The following NOTUM variants were observed in gnomAD, a reference collection of about 807,000 sequenced individuals.
The protein encoded by NOTUM is palmitoleoyl-protein carboxylesterase NOTUM.
In NOTUM, 36 loss-of-function variants were observed where a neutral mutation model predicts 65.5. That is an observed-to-expected ratio of 0.55 (90% CI 0.42 to 0.73). NOTUM has a LOEUF of 0.73. Among genes scored for constraint, NOTUM ranks in the 30% least tolerant of loss-of-function variants. The pLI, the probability that NOTUM is intolerant of heterozygous loss-of-function variation, is 0.00. For synonymous variants in NOTUM, 356 were observed against 297.9 expected (o/e 1.20, Z -2.01); for missense variants, 659 against 694.2 (o/e 0.95, Z 0.57).
In NOTUM at chr17:81,952,842, G is replaced by A. The variant is rs1303157589; in HGVS notation, c.*119C>T. The A allele has an allele frequency of 2.3e-6, 2 of 882,164 alleles. No homozygotes were observed. Among genetic ancestry groups the A allele is most frequent in the Non-Finnish European group, 3.6e-6 (2 of 562,282 alleles). The allele number at this position is 882,164 out of a possible 1,614,324, so 54.6% of individuals were successfully genotyped here. A position where few individuals can be genotyped will look rare whatever the true frequency, so the allele number is the denominator to read the frequency against. Reference sequence around the variant, plus strand: ...AGGGCAGTGGGCAGACCCAGACAGGGGGGACGGCTGGGGCCCTGTCCCGAA... The same window carrying A: ...AGGGCAGTGGGCAGACCCAGACAGGAGGGACGGCTGGGGCCCTGTCCCGAA... On this transcript the variant is annotated 3_prime_UTR_variant, in exon 11 of 11. Transcript: ENST00000409678.
intron 7 of NOTUM, 44 bp from the exon 8 acceptor site, chr17:81,956,794 C>T: frequency 6.3e-7 from 1 of 1,589,962 alleles, no homozygotes. Flanking sequence ...GTCTCGTCCC[C>T]CGGGGCTCCC....
chr17:81,954,067 C>T (rs892280594), intron 10 of NOTUM, among the ~76,000 whole-genome samples, 189 bp downstream of exon 10: 1 of 152,186 alleles, frequency 6.6e-6, no homozygotes, highest in Non-Finnish European at 1.5e-5. Context: ...CGTGAGCCAC[C>T]GCACCCAGCC....
chr17:81,953,216 G>A lies in NOTUM; in HGVS notation c.1236C>T (p.His412=), dbSNP rs1166030883. ...TGTCATGGAGGCTCCTGTCCCAGCA[G>A]TGCAGTGCTCGGGGCAGCGACGTCC... is the stretch of plus-strand genomic sequence containing the variant. ...VKGTSLPRAL[H]CWDRSLHDSH... The change falls in exon 11 of 11, where the codon CAC becomes CAT. Residue 412 remains histidine, a synonymous_variant. Transcript: ENST00000409678. 7 of 1,612,570 alleles carry A rather than the reference G, an allele frequency of 4.3e-6. No individual in the cohort carries two copies. Among genetic ancestry groups the A allele is most frequent in the African/African-American group, 2.7e-5 (2 of 74,900 alleles).
intron 9 of NOTUM, 140 bp from the exon 10 acceptor site, chr17:81,954,443 C>A (rs1431296179): frequency 3.2e-6 from 2 of 634,002 alleles, no homozygotes; most frequent in Non-Finnish European, 5.6e-6. Context: ...TGGCCCGGGC[C>A]TCCCCCTAGT....
rs2041475138 is a variant in NOTUM at position 81,961,134 on chromosome 17, G to T, written c.-225C>A. The T allele has an allele frequency of 6.6e-6, 1 of 150,648 alleles. No individual in the cohort carries two copies. The highest frequency in any genetic ancestry group is 1.5e-5 in the Non-Finnish European group (1 of 68,420). The allele number at this position is 150,648 out of a possible 1,614,324, so 9.3% of individuals were successfully genotyped here. A position where few individuals can be genotyped will look rare whatever the true frequency, so the allele number is the denominator to read the frequency against. On this transcript the variant is annotated 5_prime_UTR_variant, in exon 1 of 11. Coordinates refer to ENST00000409678, the MANE Select transcript of NOTUM (RefSeq NM_178493.6). ...CCTCCGCAGCTGGGGCTCCGCGCCC[G>T]GCCGTCCGAGGGCAGCGCAGGGTCT...
At position 81,955,525 on chromosome 17, in the gene NOTUM, C is replaced by T; in HGVS notation, c.1008G>A (p.Gln336=). ...TCAGCTGTGCCTCGTCAAACAGCCA[C>T]TGCACCACGAACACAGGGCCTGCGG... ...PTLRCPVFVV[Q]WLFDEAQLTV... The change falls in exon 9 of 11, where the codon CAG becomes CAA. Residue 336 remains glutamine, a synonymous_variant. Coordinates refer to ENST00000409678, the MANE Select transcript of NOTUM (RefSeq NM_178493.6). The T allele has an allele frequency of 6.2e-7, 1 of 1,611,294 alleles. No individual in the cohort carries two copies. The highest frequency in any genetic ancestry group is 1.7e-4 in the Middle Eastern group (1 of 5,898).
At chr17:81,959,076 G>A (rs1033015519) in intron 3 of NOTUM, 81 bp from the exon 4 acceptor site, 3 of 1,226,304 alleles carry the variant, frequency 2.4e-6, no homozygotes, top group South Asian at 1.2e-5. Context: ...TGAGGTGTTG[G>A]GGCTCCTACT....
rs770696884 is a variant in NOTUM, at chr17:81,959,461, C to T, written c.472+10G>A. 750 of 1,542,460 alleles carry T rather than the reference C, an allele frequency of 4.9e-4. 2 individuals carry two copies. Among genetic ancestry groups the T allele is most frequent in the Non-Finnish European group, 6.1e-4 (695 of 1,143,652 alleles). ...ACGTCGAGACGCCTTCCCCAGGGCC[C>T]GCCGCTGACCTGTGCGAGTGCGCGG... On this transcript the variant is annotated intron_variant, in intron 3 of 10. Transcript: ENST00000409678.
rs1386493997 is a variant in NOTUM, at chr17:81,960,046, C to G, written c.324-354G>C. Among the ~76,000 whole-genome samples the G allele has an allele frequency of 6.6e-6, 1 of 152,018 alleles. No individual in the cohort carries two copies. Among genetic ancestry groups the G allele is most frequent in the African/African-American group, 2.4e-5 (1 of 41,438 alleles). On this transcript the variant is annotated intron_variant, in intron 1 of 10. Transcript: ENST00000409678. The surrounding 1 kb of genome is among the most constrained non-coding windows in gnomAD (Gnocchi z 6.4). ...TGAAGGAGCGCGCTTGGCGGGGGAA[C>G]GGGACGCCGCGGGGAGCGCGGGAGG...
At position 81,960,916 on chromosome 17, in the gene NOTUM, G is replaced by A; in HGVS notation, c.-7C>T. The stretch of plus-strand genomic sequence containing the variant: ...CGCGCACCCCTCGGCCCATGGCCGC[G>A]TCCACCTGCGGGGAGCGGGCGGCCT... On this transcript the variant is annotated 5_prime_UTR_variant, in exon 1 of 11. The change creates a new upstream start codon in the 5' untranslated region. Transcript: ENST00000409678. This position sits in a 1 kb window ranked among gnomAD's most constrained non-coding sequence, Gnocchi z 6.4. 2 of 1,241,454 alleles carry A rather than the reference G, an allele frequency of 1.6e-6. No homozygotes were observed. The highest frequency in any genetic ancestry group is 3.2e-5 in the South Asian group (1 of 30,812). The allele number at this position is 1,241,454 out of a possible 1,614,324, so 76.9% of individuals were successfully genotyped here. A position where few individuals can be genotyped will look rare whatever the true frequency, so the allele number is the denominator to read the frequency against.
chr17:81,959,562 G>A lies in NOTUM; in HGVS notation c.381C>T (p.Gly127=), dbSNP rs1416888249. ...AGTTCTCGCGGTTGAAGCAGTACCA[G>A]CCGCCTGCGGACACGACCGCCGCTC... ...SRRWLLFLEG[G]WYCFNRENCD... is the part of the protein sequence containing the mutation. The change falls in exon 3 of 11, where the codon GGC becomes GGT. Residue 127 remains glycine, a synonymous_variant. Transcript: ENST00000409678. The A allele has an allele frequency of 3.2e-6, 5 of 1,548,780 alleles. No homozygotes were observed. Among genetic ancestry groups the A allele is most frequent in the South Asian group, 2.4e-5 (2 of 84,012 alleles).
At position 81,959,701 on chromosome 17, in the gene NOTUM, G is replaced by A. The variant is rs1019601729; in HGVS notation, c.324-9C>T. On this transcript the variant is annotated splice_polypyrimidine_tract_variant and intron_variant, in intron 1 of 10. Transcript: ENST00000409678. Reference sequence around the variant, plus strand: ...ACTCCTTCAGGTAGTAGCTGCGGGGGAGGACGCACCGCGGGGGGTCGGCCA... The same window carrying A: ...ACTCCTTCAGGTAGTAGCTGCGGGGAAGGACGCACCGCGGGGGGTCGGCCA... 11 of 1,470,596 alleles carry A rather than the reference G, an allele frequency of 7.5e-6. No homozygotes were observed. In the African/African-American group the frequency reaches 8.8e-5, roughly 12 times the overall value. 91.1% of individuals were successfully genotyped at this position (1,470,596 alleles called of 1,614,324 possible).
At chr17:81,954,482 T>C (rs1285589694) in intron 9 of NOTUM, among the ~76,000 whole-genome samples, 179 bp from the exon 10 acceptor site, 2 of 152,160 alleles carry the variant, frequency 1.3e-5, no homozygotes, top group African/African-American at 2.4e-5. Flanking sequence ...CCCTTATCGC[T>C]TTGTGCCTCA....
In NOTUM at chr17:81,955,394, C is replaced by T. The variant is rs1188124784; in HGVS notation, c.1136+3G>A. 6 of 1,569,338 alleles carry T rather than the reference C, an allele frequency of 3.8e-6. No homozygotes were observed. The highest frequency in any genetic ancestry group is 5.2e-6 in the Non-Finnish European group (6 of 1,155,938). On this transcript the variant is annotated splice_donor_region_variant and intron_variant, in intron 9 of 10. Coordinates refer to ENST00000409678, the MANE Select transcript of NOTUM (RefSeq NM_178493.6). ...GTGGGGCTCCCGGGGCCCACACACT[C>T]ACGGCACGTCCTTGAGTGTGTGGCG... is the stretch of plus-strand genomic sequence containing the variant.
chr17:81,957,065 G>A lies in NOTUM; in HGVS notation c.705C>T (p.Gly235=). The A allele has an allele frequency of 2.5e-6, 4 of 1,600,352 alleles. No homozygotes were observed. Among genetic ancestry groups the A allele is most frequent in the South Asian group, 1.1e-5 (1 of 90,912 alleles). The stretch of plus-strand genomic sequence containing the variant: ...GGTCCACATTCAGGAGCACCCCGGT[G>A]CCCCCCGCGCTGCAAGGAGGGCCAG... The part of the protein sequence containing the change: ...VLLLAGSSAG[G]TGVLLNVDRV... The change falls in exon 7 of 11, where the codon GGC becomes GGT. Residue 235 remains glycine, a synonymous_variant. Transcript: ENST00000409678.
rs1187591964 is a variant in NOTUM at position 81,956,725 on chromosome 17, G to A, written c.913C>T (p.Arg305Cys). The A allele has an allele frequency of 3.1e-6, 5 of 1,612,818 alleles. No individual in the cohort carries two copies. Among genetic ancestry groups the A allele is most frequent in the East Asian group, 2.2e-5 (1 of 44,886 alleles). ...CCCTCCTGGAACTGGCGTCGGCAGC[G>A]CTCCGGGACCACCCCGTTCCAGTAC... is the stretch of plus-strand genomic sequence containing the variant. The part of the protein sequence containing the change: ...IRYWNGVVPE[R>C]CRRQFQEGEE... The change falls in exon 8 of 11, where the codon CGC becomes TGC. Residue 305 changes from arginine (R) to cysteine (C), a missense_variant. Coordinates refer to ENST00000409678, the MANE Select transcript of NOTUM (RefSeq NM_178493.6).
chr17:81,958,521 G>A (rs1450651089), intron 4 of NOTUM, 128 bp from the exon 5 acceptor site: 11 of 678,404 alleles, frequency 1.6e-5, no homozygotes, highest in South Asian at 9.9e-5. Flanking sequence ...GACCATCCCA[G>A]GATAGAACTT....
rs774561723 is a variant in NOTUM at position 81,955,478 on chromosome 17, G to A, written c.1055C>T (p.Thr352Met). 14 of 1,610,038 alleles carry A rather than the reference G, an allele frequency of 8.7e-6. No individual in the cohort carries two copies. The highest frequency in any genetic ancestry group is 1.7e-5 in the Admixed American group (1 of 59,888). The change falls in exon 9 of 11, where the codon ACG becomes ATG. Residue 352 changes from threonine to methionine, a missense_variant. Coordinates refer to ENST00000409678, the MANE Select transcript of NOTUM (RefSeq NM_178493.6). ...AQLTVDNVHLTGQPVQEGLRL... is the reference protein window; with the variant it reads ...AQLTVDNVHLMGQPVQEGLRL... ...CAGGCCCTCCTGCACCGGCTGCCCC[G>A]TCAGGTGCACGTTGTCCACCGTCAG...
At chr17:81,954,779 G>C (rs574622698) in intron 9 of NOTUM, among the ~76,000 whole-genome samples, 5 of 152,006 alleles carry the variant, frequency 3.3e-5, no homozygotes, top group African/African-American at 4.8e-5. Flanking sequence ...ACCATGCCTG[G>C]ATAATTTCTG....
Sources: gnomAD v4.1 joint callset for allele counts (sites outside exome capture counted in the v4.1 genomes callset) on GRCh38, gnomAD v4.1.1 for gene constraint, Gnocchi (gnomAD v3.1) non-coding constraint, MANE v1.5 for transcripts, NCBI Gene and HGNC (gene_info 2026-07-23, HGNC 2026-07-21) for gene names.